HSPA12A: variants seen among roughly 807,000 people sequenced by gnomAD.
HSPA12A encodes the protein heat shock 70 kDa protein 12A.
Under a neutral mutation model 69.2 loss-of-function variants are expected in HSPA12A, and 28 were observed. That is an observed-to-expected ratio of 0.40 (90% CI 0.30 to 0.55). The LOEUF (loss-of-function observed/expected upper bound fraction) is 0.55. HSPA12A is among the 20% of genes least tolerant of loss of function. The pLI, the probability that HSPA12A is intolerant of heterozygous loss-of-function variation, is 0.38. For missense variants in HSPA12A, 686 were observed against 900.7 expected (o/e 0.76, Z 3.05); for synonymous variants, 345 against 370.5 (o/e 0.93, Z 0.79).
chr10:116,689,343 C>G (rs1849668703), intron 6 of HSPA12A, among the ~76,000 whole-genome samples: 1 of 152,024 alleles, frequency 6.6e-6, no homozygotes, highest in Non-Finnish European at 1.5e-5. Context: ...CTCCAACTGT[C>G]CTACTGGAGT....
intron 2 of HSPA12A, among the ~76,000 whole-genome samples, chr10:116,762,785 T>C (rs555466128): frequency 5.3e-5 from 8 of 152,276 alleles, no homozygotes; most frequent in South Asian, 4.1e-4. Flanking sequence ...AGTTTCGCCA[T>C]GTTGGCCAGG....
chr10:116,844,590 T>C (rs1007517620), intron 1 of HSPA12A, among the ~76,000 whole-genome samples: 2 of 152,224 alleles, frequency 1.3e-5, no homozygotes, highest in Non-Finnish European at 2.9e-5. Flanking sequence ...TAGTTAACAT[T>C]ATTATTCCCA....
At chr10:116,734,931 G>A (rs1851271384) in intron 1 of HSPA12A, among the ~76,000 whole-genome samples, 1 of 152,184 alleles carries the variant, frequency 6.6e-6, no homozygotes, top group Admixed American at 6.5e-5. Flanking sequence ...GGCGGAGCTT[G>A]CAGTGAGCCG....
At chr10:116,848,830 T>G (rs1288003918) in intron 1 of HSPA12A, among the ~76,000 whole-genome samples, 3 of 152,148 alleles carry the variant, frequency 2.0e-5, no homozygotes, top group African/African-American at 7.2e-5. Flanking sequence ...CAACCATCCC[T>G]TAGGGTTCAC....
intron 6 of HSPA12A, among the ~76,000 whole-genome samples, chr10:116,687,094 C>T (rs1209479023): frequency 6.6e-6 from 1 of 152,182 alleles, no homozygotes; most frequent in Non-Finnish European, 1.5e-5. Context: ...GCAGAACTGT[C>T]CCCCGCCCAG....
intron 2 of HSPA12A, among the ~76,000 whole-genome samples, chr10:116,800,367 T>C (rs1370575126): frequency 6.8e-6 from 1 of 146,358 alleles, no homozygotes; most frequent in Non-Finnish European, 1.5e-5. Flanking sequence ...GGGGTGGGGG[T>C]GCCAGCAAGT....
chr10:116,797,888 G>A lies in HSPA12A; in HGVS notation c.91+37047C>T, dbSNP rs149632923. On this transcript the variant is annotated intron_variant, in intron 2 of 12. Coordinates refer to the HSPA12A transcript ENST00000635765. ...CCTGTAAGGACTGATGGTGGGGAAG[G>A]CTTCCCAGAGGACCAGAGGGGACAG... 8.1e-4 allele frequency among the ~76,000 whole-genome samples: 123 copies of A among 152,254 alleles called. 7 individuals carry two copies. In the South Asian group the frequency reaches 0.025, roughly 30 times the overall value.
intron 2 of HSPA12A, among the ~76,000 whole-genome samples, chr10:116,774,737 C>T (rs746688204): frequency 6.6e-6 from 1 of 152,166 alleles, no homozygotes; most frequent in Admixed American, 6.5e-5. Context: ...CCAGGTCCAC[C>T]ATTGAATAAG....
Position 116,701,195 on chromosome 10 carries a change from T to A in HSPA12A, c.255-66A>T, listed in dbSNP as rs181430946. 2.3e-4 allele frequency: 346 copies of A among 1,479,226 alleles called. No individual in the cohort carries two copies. In the African/African-American group the frequency reaches 4.5e-3, roughly 19 times the overall value. The allele number at this position is 1,479,226 out of a possible 1,614,324, so 91.6% of individuals were successfully genotyped here. A position where few individuals can be genotyped will look rare whatever the true frequency, so the allele number is the denominator to read the frequency against. ...AAATCCCAATTCAGGCAGCACAGAT[T>A]TGAACACCTACTGTATGCATGAGTG... On this transcript the variant is annotated intron_variant, in intron 3 of 11. Coordinates refer to ENST00000369209, the MANE Select transcript of HSPA12A (RefSeq NM_025015.3).
chr10:116,678,280 C>T (rs144606496), intron 10 of HSPA12A, among the ~76,000 whole-genome samples: 2 of 135,154 alleles, frequency 1.5e-5, no homozygotes, highest in East Asian at 2.2e-4. Flanking sequence ...AACCACCACC[C>T]GTAAGGCAGA....
intron 2 of HSPA12A, among the ~76,000 whole-genome samples, chr10:116,803,835 T>C (rs1459552528): frequency 6.6e-6 from 1 of 152,202 alleles, no homozygotes; most frequent in African/African-American, 2.4e-5. Context: ...TTCATAATGT[T>C]TCATACAAAT....
At chr10:116,836,032 C>T (rs189663073) in intron 1 of HSPA12A, among the ~76,000 whole-genome samples, 29 of 152,174 alleles carry the variant, frequency 1.9e-4, no homozygotes, top group Admixed American at 4.6e-4. Context: ...TGCTTTTAAG[C>T]TAAATACCTC....
intron 2 of HSPA12A, chr10:116,751,035 G>A (rs4751611): frequency 0.088 from 13,501 of 152,940 alleles, 539 homozygotes; most frequent in African/African-American, 0.094. Flanking sequence ...GAAGAAGAAG[G>A]AGGAGAAGAA....
At chr10:116,790,649 G>C (rs1423043269) in intron 2 of HSPA12A, among the ~76,000 whole-genome samples, 1 of 151,974 alleles carries the variant, frequency 6.6e-6, no homozygotes, top group Non-Finnish European at 1.5e-5. Context: ...TGCCTTAAAG[G>C]ACACTCTCCA....
intron 2 of HSPA12A, among the ~76,000 whole-genome samples, chr10:116,813,439 G>A (rs1055123789): frequency 2.6e-5 from 4 of 151,802 alleles, no homozygotes; most frequent in African/African-American, 9.7e-5. Flanking sequence ...CGTAGAGACA[G>A]GGTTTCACCG....
rs529742283 is a variant in HSPA12A at position 116,740,307 on chromosome 10, C to T, written c.40+2123G>A. On this transcript the variant is annotated intron_variant, in intron 1 of 11. Coordinates refer to ENST00000369209, the MANE Select transcript of HSPA12A (RefSeq NM_025015.3). ...CTTTAAAACAATAAAATAATGCACG[C>T]TCTTTTCCCAGCAATGAGGAAACCT... is the stretch of plus-strand genomic sequence containing the variant. Among the ~76,000 whole-genome samples, 4 of 152,310 alleles carry T rather than the reference C, an allele frequency of 2.6e-5. No individual in the cohort carries two copies. In the East Asian group the frequency reaches 7.7e-4, roughly 29 times the overall value.
upstream of HSPA12A, among the ~76,000 whole-genome samples, chr10:116,744,496 C>T (rs1554887648): frequency 1.3e-5 from 2 of 152,244 alleles, no homozygotes; most frequent in African/African-American, 4.8e-5. Context: ...GCGCCACGTG[C>T]CCTCATGGGA....
At chr10:116,732,747 A>T (rs545284897) in intron 1 of HSPA12A, among the ~76,000 whole-genome samples, 34 of 152,374 alleles carry the variant, frequency 2.2e-4, no homozygotes, top group Middle Eastern at 6.8e-3. Flanking sequence ...GGGACAAGTC[A>T]TGAATTTGTT....
At chr10:116,677,713 T>G (rs1362910776) in intron 10 of HSPA12A, among the ~76,000 whole-genome samples, 1 of 152,096 alleles carries the variant, frequency 6.6e-6, no homozygotes, top group East Asian at 1.9e-4. Context: ...GGGTAGGGAA[T>G]GTACAAGATG....
Sources: allele counts gnomAD v4.1 joint callset (sites outside exome capture counted in the v4.1 genomes callset), GRCh38; gene constraint gnomAD v4.1.1; transcripts MANE v1.5; gene names NCBI Gene and HGNC (gene_info 2026-07-23, HGNC 2026-07-21).